The following RBFOX1 variants were observed in gnomAD, a reference collection of about 807,000 sequenced individuals.
RBFOX1 encodes RNA binding fox-1 homolog 1, also known as RNA binding protein fox-1 homolog 1.
In RBFOX1, 8 loss-of-function variants were observed where a neutral mutation model predicts 57.7. The observed-to-expected ratio is 0.14, with a 90% CI of 0.08 to 0.25. The LOEUF (loss-of-function observed/expected upper bound fraction) is 0.25. Ranked by LOEUF, RBFOX1 falls within the 10% of genes least tolerant of loss-of-function variation. RBFOX1 has a pLI of 1.00. For synonymous variants in RBFOX1, 326 were observed against 222.4 expected (o/e 1.47, Z -4.15); for missense variants, 611 against 548.5 (o/e 1.11, Z -1.14).
chr16:6,158,625 A>G (rs1337022581), intron 1 of RBFOX1, among the ~76,000 whole-genome samples: 1 of 152,178 alleles, frequency 6.6e-6, no homozygotes, highest in Non-Finnish European at 1.5e-5. Flanking sequence ...TTTATTGACC[A>G]CTGCACATGA....
chr16:6,767,923 T>TAAGAAGAAGAAGAAG (rs1451360179), intron 3 of RBFOX1, among the ~76,000 whole-genome samples: 2 of 70,470 alleles, frequency 2.8e-5, no homozygotes, highest in African/African-American at 1.3e-4. Context: ...TCAATAATAA[T>TAAGAAGAAGAAGAAG]AATAATAATA....
At chr16:6,991,770 C>G (rs1001176215) in intron 3 of RBFOX1, among the ~76,000 whole-genome samples, 3 of 152,154 alleles carry the variant, frequency 2.0e-5, no homozygotes, top group African/African-American at 7.2e-5. Flanking sequence ...CTCCTGAGCC[C>G]AAGCAATCTG....
intron 1 of RBFOX1, among the ~76,000 whole-genome samples, chr16:5,309,906 A>C (rs1009082746): frequency 6.6e-6 from 1 of 152,108 alleles, no homozygotes; most frequent in Admixed American, 6.5e-5. Flanking sequence ...GTCATTTTCA[A>C]ATTTAAACTG....
chr16:5,664,560 G>A (rs182582919), intron 3 of RBFOX1, among the ~76,000 whole-genome samples: 1 of 152,040 alleles, frequency 6.6e-6, no homozygotes, highest in East Asian at 1.9e-4. Context: ...AAAAAAAGTG[G>A]ATTCCTGTTC....
chr16:7,099,452 C>G (rs998190985), intron 4 of RBFOX1, among the ~76,000 whole-genome samples: 3 of 152,138 alleles, frequency 2.0e-5, no homozygotes, highest in South Asian at 2.1e-4. Context: ...TAGTGTCTAG[C>G]TGAGTGGTTT....
chr16:5,999,018 C>T (rs970096477), intron 4 of RBFOX1, among the ~76,000 whole-genome samples: 3 of 152,164 alleles, frequency 2.0e-5, no homozygotes, highest in Non-Finnish European at 4.4e-5. Flanking sequence ...TATCCTGAAT[C>T]ATCTGAACAC....
intron 3 of RBFOX1, among the ~76,000 whole-genome samples, chr16:5,796,755 A>C (rs1173419146): frequency 6.6e-6 from 1 of 152,206 alleles, no homozygotes; most frequent in Non-Finnish European, 1.5e-5. Flanking sequence ...AGAAGGAGAC[A>C]ATGCTAAGAT....
intron 3 of RBFOX1, among the ~76,000 whole-genome samples, chr16:5,676,798 G>T (rs375786473): frequency 6.6e-6 from 1 of 152,144 alleles, no homozygotes; most frequent in African/African-American, 2.4e-5. Context: ...GGAGACAAAG[G>T]TTGCAGTGAT....
intron 4 of RBFOX1, among the ~76,000 whole-genome samples, chr16:7,244,937 C>G (rs1327727079): frequency 6.6e-6 from 1 of 152,174 alleles, no homozygotes; most frequent in African/African-American, 2.4e-5. Flanking sequence ...ATGTCAGAGG[C>G]ACAGTAGGGA....
At chr16:5,374,716 T>G (rs1294713223) in intron 1 of RBFOX1, among the ~76,000 whole-genome samples, 7 of 149,228 alleles carry the variant, frequency 4.7e-5, no homozygotes, top group East Asian at 2.0e-4. Context: ...CTCTATGTGT[T>G]TTTTTTTTTT....
rs2064631176 is a variant in RBFOX1 at position 7,649,989 on chromosome 16, GGAGA to G, written c.758-3825_758-3822del. ...AAGAGGGAGAGGAAGAAGAGCGAGG[GGAGA>G]AAGGAAAAGGAGGAGGGAAGACAAA... On this transcript the variant is annotated intron_variant, in intron 11 of 15. Transcript: ENST00000550418. Among the ~76,000 whole-genome samples, 11 of 150,098 alleles carry G rather than the reference GGAGA, an allele frequency of 7.3e-5. 1 individual carries two copies. Among genetic ancestry groups the G allele is most frequent in the African/African-American group, 1.2e-4 (5 of 40,706 alleles).
chr16:5,523,738 AT>A (rs2044119956), intron 2 of RBFOX1, among the ~76,000 whole-genome samples: 1 of 152,208 alleles, frequency 6.6e-6, no homozygotes, highest in Non-Finnish European at 1.5e-5. Flanking sequence ...TCTGTCTTCA[AT>A]TTTTTGACAA....
chr16:5,987,842 CT>C (rs1368482979), intron 4 of RBFOX1, among the ~76,000 whole-genome samples: 1 of 152,206 alleles, frequency 6.6e-6, no homozygotes, highest in Non-Finnish European at 1.5e-5. Flanking sequence ...TACTCTATCC[CT>C]GACACCCAGC....
intron 4 of RBFOX1, among the ~76,000 whole-genome samples, chr16:7,134,448 T>A (rs186440959): frequency 6.6e-6 from 1 of 152,352 alleles, no homozygotes; most frequent in African/African-American, 2.4e-5. Context: ...ATTATTGATA[T>A]GTTTTCATGC....
At chr16:5,779,537 G>A (rs2054260073) in intron 3 of RBFOX1, among the ~76,000 whole-genome samples, 2 of 152,156 alleles carry the variant, frequency 1.3e-5, no homozygotes, top group South Asian at 2.1e-4. Flanking sequence ...AGAATCAAAC[G>A]TCCATGTATC....
chr16:7,708,682 G>A (rs1393635455), intron 14 of RBFOX1, among the ~76,000 whole-genome samples: 4 of 152,168 alleles, frequency 2.6e-5, no homozygotes, highest in African/African-American at 4.8e-5. Flanking sequence ...ACTCTCTTGA[G>A]AATTAAAATA....
At chr16:5,530,486 A>G (rs1226041303) in intron 2 of RBFOX1, among the ~76,000 whole-genome samples, 4 of 152,180 alleles carry the variant, frequency 2.6e-5, no homozygotes, top group African/African-American at 7.2e-5. Flanking sequence ...CCTCTACCCT[A>G]TAAAGTCTTC....
At chr16:6,727,918 G>A (rs888196532) in intron 3 of RBFOX1, among the ~76,000 whole-genome samples, 3 of 152,100 alleles carry the variant, frequency 2.0e-5, no homozygotes, top group African/African-American at 7.2e-5. Context: ...AGCCTGTTTT[G>A]GAAGGCTAGT....
At chr16:7,620,203 T>A (rs1414029104) in intron 10 of RBFOX1, among the ~76,000 whole-genome samples, 2 of 152,244 alleles carry the variant, frequency 1.3e-5, no homozygotes, top group African/African-American at 4.8e-5. Flanking sequence ...ATTGATTCAC[T>A]TACTGATTAC....
Sources: allele counts gnomAD v4.1 joint callset (sites outside exome capture counted in the v4.1 genomes callset), GRCh38; gene constraint gnomAD v4.1.1; transcripts MANE v1.5; gene names NCBI Gene and HGNC (gene_info 2026-07-23, HGNC 2026-07-21).